The following RANBP2 variants were observed in gnomAD, a reference collection of about 807,000 sequenced individuals.
RANBP2 encodes the protein E3 SUMO-protein ligase RanBP2.
RANBP2 carries 57 observed loss-of-function variants against 303.6 expected under a neutral mutation model. The observed-to-expected ratio is 0.19, with a 90% CI of 0.15 to 0.23. The LOEUF (loss-of-function observed/expected upper bound fraction) is 0.23. RANBP2 is among the 10% of genes least tolerant of loss of function. RANBP2 has a pLI of 1.00. For synonymous variants in RANBP2, 1,167 were observed against 1,301.5 expected, an observed-to-expected ratio of 0.90 and a Z score of 2.23; for missense variants, 3,138 against 3,780.8, an observed-to-expected ratio of 0.83 and a Z score of 4.46.
At chr2:108,931,566 T>C in the RANBP2 span, among the ~76,000 whole-genome samples, 1 of 152,202 alleles carries the variant, frequency 6.6e-6, no homozygotes, top group African/African-American at 2.4e-5. Context: ...GTTGAGATAG[T>C]GGGAGCCCAG....
the RANBP2 span, among the ~76,000 whole-genome samples, chr2:109,424,488 C>A: frequency 6.7e-6 from 1 of 149,916 alleles, no homozygotes; most frequent in African/African-American, 2.5e-5. Flanking sequence ...ATTTTTTTTA[C>A]AAATTGAAGC....
the RANBP2 span, among the ~76,000 whole-genome samples, chr2:109,097,412 A>C: frequency 6.6e-6 from 1 of 152,312 alleles, no homozygotes; most frequent in African/African-American, 2.4e-5. Context: ...ATAAAACTCC[A>C]GTGTCCTGCA....
the RANBP2 span, among the ~76,000 whole-genome samples, chr2:109,170,370 A>C: frequency 7.2e-6 from 1 of 139,236 alleles, no homozygotes. Context: ...TTTTTTGACC[A>C]CATCTTGTTC....
the RANBP2 span, among the ~76,000 whole-genome samples, chr2:109,281,322 C>T: frequency 2.6e-5 from 4 of 152,208 alleles, no homozygotes; most frequent in South Asian, 4.1e-4. Flanking sequence ...CTTCCTTCCC[C>T]GGGCCCCCTC....
At chr2:109,009,822 A>G in the RANBP2 span, among the ~76,000 whole-genome samples, 1 of 149,470 alleles carries the variant, frequency 6.7e-6, no homozygotes, top group African/African-American at 2.5e-5. Context: ...ATGAGCTACC[A>G]CAGCAGCTTA....
chr2:109,743,990 A>C, the RANBP2 span, among the ~76,000 whole-genome samples: 2 of 99,620 alleles, frequency 2.0e-5, 1 homozygote, highest in Non-Finnish European at 5.3e-5. Flanking sequence ...ATTCCATGGT[A>C]TATCTGTACC....
the RANBP2 span, among the ~76,000 whole-genome samples, chr2:108,808,113 G>C: frequency 1.1e-4 from 16 of 152,070 alleles, no homozygotes; most frequent in Non-Finnish European, 7.4e-5. Flanking sequence ...TGTGTGGTAA[G>C]GTCTTTCAGG....
At chr2:108,930,127 G>A in the RANBP2 span, 1 of 1,613,646 alleles carries the variant, frequency 6.2e-7, no homozygotes, top group Non-Finnish European at 8.5e-7. Context: ...TACCAGGTAG[G>A]GCTCCTCTCC....
the RANBP2 span, among the ~76,000 whole-genome samples, chr2:109,011,874 G>C: frequency 6.6e-6 from 1 of 151,988 alleles, no homozygotes; most frequent in African/African-American, 2.4e-5. Flanking sequence ...ATGTGTGTGC[G>C]TGTATGTGTG....
chr2:109,748,887 TAAA>T, the RANBP2 span, among the ~76,000 whole-genome samples: 1 of 47,084 alleles, frequency 2.1e-5, no homozygotes, highest in African/African-American at 4.9e-5. Flanking sequence ...AATAAATAAA[TAAA>T]TAAATAAATA....
the RANBP2 span, among the ~76,000 whole-genome samples, chr2:109,657,043 T>G: frequency 6.6e-6 from 1 of 152,198 alleles, no homozygotes; most frequent in African/African-American, 2.4e-5. Flanking sequence ...ATGATATGAT[T>G]GGAAATATGA....
At chr2:108,806,083 C>T in the RANBP2 span, among the ~76,000 whole-genome samples, 1 of 152,134 alleles carries the variant, frequency 6.6e-6, no homozygotes, top group African/African-American at 2.4e-5. Context: ...TTGTTGTGAT[C>T]CTCCTCCTTG....
At chr2:109,087,000 G>A in the RANBP2 span, among the ~76,000 whole-genome samples, 68 of 152,330 alleles carry the variant, frequency 4.5e-4, no homozygotes, top group African/African-American at 1.6e-3. Flanking sequence ...CATGTGCTTG[G>A]TTGAAGGGTT....
chr2:109,511,723 G>C, the RANBP2 span, among the ~76,000 whole-genome samples: 1 of 152,200 alleles, frequency 6.6e-6, no homozygotes, highest in Non-Finnish European at 1.5e-5. Context: ...GCCATCTACT[G>C]TAAGTCTTTT....
At chr2:109,732,425 T>TG in the RANBP2 span, among the ~76,000 whole-genome samples, 1 of 151,678 alleles carries the variant, frequency 6.6e-6, no homozygotes, top group African/African-American at 2.4e-5. Flanking sequence ...AAAAGACTCG[T>TG]GGGAAACCAA....
At chr2:109,133,368 A>G in the RANBP2 span, among the ~76,000 whole-genome samples, 1 of 152,250 alleles carries the variant, frequency 6.6e-6, no homozygotes, top group Non-Finnish European at 1.5e-5. Context: ...ACTGGGACTT[A>G]ATAGAGAAAA....
At chr2:109,394,173 C>T in the RANBP2 span, among the ~76,000 whole-genome samples, 1 of 152,216 alleles carries the variant, frequency 6.6e-6, no homozygotes, top group Admixed American at 6.5e-5. Flanking sequence ...CCTTTCTAGA[C>T]AGTTCTGTGG....
chr2:108,849,749 C>T, the RANBP2 span, among the ~76,000 whole-genome samples: 1 of 152,238 alleles, frequency 6.6e-6, no homozygotes, highest in South Asian at 2.1e-4. Flanking sequence ...ATAGTCTGGC[C>T]TCTCCCAGCC....
At chr2:108,891,995 G>A in the RANBP2 span, among the ~76,000 whole-genome samples, 1 of 152,126 alleles carries the variant, frequency 6.6e-6, no homozygotes, top group Non-Finnish European at 1.5e-5. Flanking sequence ...CTGAAAGAGG[G>A]GGCAAAGCTG....
Sources: gnomAD v4.1 joint callset for allele counts (sites outside exome capture counted in the v4.1 genomes callset) on GRCh38, gnomAD v4.1.1 for gene constraint, MANE v1.5 for transcripts, NCBI Gene and HGNC (gene_info 2026-07-23, HGNC 2026-07-21) for gene names.